The following ATXN1 variants were observed in gnomAD, a reference collection of about 807,000 sequenced individuals.
ATXN1 encodes ataxin 1, also known as ataxin-1.
In ATXN1, 8 loss-of-function variants were observed where a neutral mutation model predicts 56.4. The ratio of observed to expected loss-of-function variants is 0.14; its 90% CI spans 0.08 to 0.26. The LOEUF (loss-of-function observed/expected upper bound fraction) is 0.26, where lower values mean the gene tolerates loss of function less well. Ranked by LOEUF, ATXN1 falls within the 10% of genes least tolerant of loss-of-function variation. The pLI is 1.00. For synonymous variants in ATXN1, 514 were observed against 494.6 expected (o/e 1.04, Z -0.52); for missense variants, 987 against 1,106.5 (o/e 0.89, Z 1.53).
intron 2 of ATXN1, among the ~76,000 whole-genome samples, chr6:16,725,613 C>T (rs1259009394): frequency 6.6e-6 from 1 of 152,168 alleles, no homozygotes; most frequent in East Asian, 1.9e-4. Flanking sequence ...TCTCTTCCTT[C>T]CTCTCATCAG....
chr6:16,659,266 G>T (rs1758268232), intron 2 of ATXN1, among the ~76,000 whole-genome samples: 1 of 152,152 alleles, frequency 6.6e-6, no homozygotes, highest in East Asian at 1.9e-4. Context: ...GATTTTATTA[G>T]TTTTATGTAA....
intron 2 of ATXN1, among the ~76,000 whole-genome samples, chr6:16,704,401 G>A (rs1021481957): frequency 2.6e-5 from 4 of 152,182 alleles, no homozygotes; most frequent in Middle Eastern, 3.4e-3. Context: ...CAGCTCCTGC[G>A]AGGCGCTCCC....
chr6:16,399,409 C>A (rs1307801370), intron 6 of ATXN1, among the ~76,000 whole-genome samples: 1 of 152,210 alleles, frequency 6.6e-6, no homozygotes, highest in African/African-American at 2.4e-5. Flanking sequence ...GGCCAAGGCG[C>A]TCACTGGTCT....
intron 4 of ATXN1, among the ~76,000 whole-genome samples, chr6:16,555,694 C>T (rs1561753170): frequency 6.6e-6 from 1 of 152,192 alleles, no homozygotes; most frequent in Non-Finnish European, 1.5e-5. Flanking sequence ...TTCTTTCCTG[C>T]CTGTCATGCA....
chr6:16,555,590 C>T (rs1761996197), intron 4 of ATXN1, among the ~76,000 whole-genome samples: 2 of 152,174 alleles, frequency 1.3e-5, no homozygotes, highest in South Asian at 4.1e-4. Flanking sequence ...ATGAGACCGG[C>T]TGTCAAATAG....
intron 6 of ATXN1, among the ~76,000 whole-genome samples, chr6:16,364,133 AC>A (rs1255036337): frequency 6.6e-6 from 1 of 151,858 alleles, no homozygotes. Flanking sequence ...TGCCTTAAGG[AC>A]CCCCCACTGT....
rs138921826 is a variant in ATXN1 at position 16,326,341 on chromosome 6, T to A, written c.1917+53A>T. On this transcript the variant is annotated intron_variant, in intron 7 of 7. Transcript: ENST00000436367. The surrounding 1 kb of genome is among the most constrained non-coding windows in gnomAD (Gnocchi z 6.6). ...AGCAATTCGTCTTGCCAGGAGATGA[T>A]GATGGCATCACGGTGTGGTGTCCCA... The A allele has an allele frequency of 6.8e-5, 109 of 1,595,816 alleles. No individual in the cohort carries two copies. Among genetic ancestry groups the A allele is most frequent in the Non-Finnish European group, 9.1e-5 (106 of 1,170,698 alleles).
intron 6 of ATXN1, among the ~76,000 whole-genome samples, chr6:16,408,722 C>T (rs1175648807): frequency 6.6e-6 from 1 of 152,196 alleles, no homozygotes; most frequent in East Asian, 1.9e-4. Flanking sequence ...GAACTTGAAC[C>T]CAAGTGTGTT....
At chr6:16,338,792 T>C (rs923623167) in intron 6 of ATXN1, among the ~76,000 whole-genome samples, 2 of 152,222 alleles carry the variant, frequency 1.3e-5, no homozygotes, top group African/African-American at 4.8e-5. Context: ...ACATCTGTTT[T>C]TTCCTCACAT....
intron 5 of ATXN1, among the ~76,000 whole-genome samples, chr6:16,510,311 G>A (rs1347119108): frequency 6.6e-6 from 1 of 152,100 alleles, no homozygotes; most frequent in Non-Finnish European, 1.5e-5. Flanking sequence ...AGGGGATTCC[G>A]ACCCACTTGA....
rs530962264 is a variant in ATXN1, at chr6:16,415,917, A to C, written c.-161+70055T>G. 1.3e-5 allele frequency among the ~76,000 whole-genome samples: 2 copies of C among 152,260 alleles called. 1 individual carries two copies. The highest frequency in any genetic ancestry group is 1.3e-4 in the Admixed American group (2 of 15,296). ...TCTGCTGGGAGCAAAAATAATCTCA[A>C]AACAGGAAAAAGAAGGAGGGGAAAT... On this transcript the variant is annotated intron_variant, in intron 6 of 7. Transcript: ENST00000436367.
intron 2 of ATXN1, among the ~76,000 whole-genome samples, chr6:16,667,765 C>T (rs1407021920): frequency 1.3e-5 from 2 of 152,204 alleles, no homozygotes; most frequent in African/African-American, 4.8e-5. Context: ...GTTGATTCAC[C>T]ATCCACCTCT....
At chr6:16,425,777 G>A (rs1385283839) in intron 6 of ATXN1, among the ~76,000 whole-genome samples, 1 of 152,108 alleles carries the variant, frequency 6.6e-6, no homozygotes, top group Non-Finnish European at 1.5e-5. Context: ...TCAGGGCTTG[G>A]TTCCCTCCTA....
At chr6:16,380,712 C>T (rs1758086200) in intron 6 of ATXN1, among the ~76,000 whole-genome samples, 1 of 151,936 alleles carries the variant, frequency 6.6e-6, no homozygotes, top group Admixed American at 6.5e-5. Flanking sequence ...TCAAGAGGGC[C>T]CCGTTACCTC....
intron 2 of ATXN1, among the ~76,000 whole-genome samples, chr6:16,679,133 T>C (rs115749548): frequency 6.7e-6 from 1 of 149,790 alleles, no homozygotes; most frequent in African/African-American, 2.5e-5. Flanking sequence ...GACAAATAGA[T>C]AGATGGATGA....
intron 4 of ATXN1, among the ~76,000 whole-genome samples, chr6:16,578,215 C>T (rs1255203686): frequency 6.6e-6 from 1 of 152,140 alleles, no homozygotes; most frequent in African/African-American, 2.4e-5. Context: ...TGCCCAGGTT[C>T]CCTTATCATC....
intron 6 of ATXN1, among the ~76,000 whole-genome samples, chr6:16,383,883 T>G (rs1172389988): frequency 6.6e-6 from 1 of 152,188 alleles, no homozygotes; most frequent in African/African-American, 2.4e-5. Flanking sequence ...TGAGATTTGG[T>G]CAGTAAAGGA....
chr6:16,452,434 G>A (rs1368170114), intron 6 of ATXN1, among the ~76,000 whole-genome samples: 1 of 152,164 alleles, frequency 6.6e-6, no homozygotes, highest in Non-Finnish European at 1.5e-5. Flanking sequence ...AAAACATTTA[G>A]GATTATCCAT....
intron 2 of ATXN1, among the ~76,000 whole-genome samples, chr6:16,708,607 G>C (rs1759456792): frequency 1.3e-5 from 2 of 152,142 alleles, no homozygotes; most frequent in African/African-American, 4.8e-5. Context: ...AAGGAGAATT[G>C]CCAGAGTTAA....
Sources: allele counts gnomAD v4.1 joint callset (sites outside exome capture counted in the v4.1 genomes callset), GRCh38; gene constraint gnomAD v4.1.1; non-coding constraint Gnocchi (gnomAD v3.1); transcripts MANE v1.5; gene names NCBI Gene and HGNC (gene_info 2026-07-23, HGNC 2026-07-21).